Variants in TFDP2 observed in about 807,000 individuals in gnomAD.
TFDP2 encodes the protein transcription factor Dp-2, also known as transcription factor Dp-2 (E2F dimerization partner 2).
Under a neutral mutation model 59.3 loss-of-function variants are expected in TFDP2, and 17 were observed. The ratio of observed to expected loss-of-function variants is 0.29; its 90% CI spans 0.20 to 0.43. The LOEUF (loss-of-function observed/expected upper bound fraction) is 0.43, where lower values mean the gene tolerates loss of function less well. Among genes scored for constraint, TFDP2 ranks in the 20% least tolerant of loss-of-function variants. The pLI is 1.00. For missense variants in TFDP2, 391 were observed against 528.8 expected (o/e 0.74, Z 2.56); for synonymous variants, 180 against 194.7 (o/e 0.92, Z 0.63).
At chr3:142,011,398 C>T (rs1944668360) in intron 3 of TFDP2, among the ~76,000 whole-genome samples, 1 of 138,654 alleles carries the variant, frequency 7.2e-6, no homozygotes, top group Non-Finnish European at 1.5e-5. Context: ...ATTGAGATCA[C>T]ATGGACACAG....
At chr3:141,956,601 T>C (rs547127477) in intron 11 of TFDP2, among the ~76,000 whole-genome samples, 1 of 151,834 alleles carries the variant, frequency 6.6e-6, no homozygotes, top group Admixed American at 6.6e-5. Flanking sequence ...GACATACAAA[T>C]AGTCAATAAA....
chr3:142,012,868 G>A (rs11569181), intron 3 of TFDP2, among the ~76,000 whole-genome samples: 5,888 of 152,278 alleles, frequency 0.039, 383 homozygotes, highest in African/African-American at 0.13. Context: ...GCCAGGCGCG[G>A]TGGCTCACGC....
At chr3:141,984,156 C>CTACAT (rs1327159025) in intron 6 of TFDP2, among the ~76,000 whole-genome samples, 1 of 152,138 alleles carries the variant, frequency 6.6e-6, no homozygotes, top group Non-Finnish European at 1.5e-5. Flanking sequence ...CTGATACATA[C>CTACAT]TACACTACAG....
chr3:142,119,828 A>G (rs370038544), intron 1 of TFDP2, among the ~76,000 whole-genome samples: 4 of 152,308 alleles, frequency 2.6e-5, no homozygotes, highest in East Asian at 3.9e-4. Context: ...AGGCAGGCGG[A>G]TCACGAGGTC....
chr3:142,034,538 A>G (rs1946593137), intron 3 of TFDP2, among the ~76,000 whole-genome samples: 1 of 152,208 alleles, frequency 6.6e-6, no homozygotes, highest in Non-Finnish European at 1.5e-5. Flanking sequence ...CAAAAAAACA[A>G]AAACCCAATT....
intron 3 of TFDP2, among the ~76,000 whole-genome samples, chr3:142,054,649 A>T (rs1383509822): frequency 1.7e-4 from 26 of 152,222 alleles, no homozygotes; most frequent in Admixed American, 1.7e-3. Context: ...TGTAGTATGC[A>T]TATTGCAATG....
intron 11 of TFDP2, among the ~76,000 whole-genome samples, chr3:141,954,058 G>T (rs1270990037): frequency 1.3e-5 from 2 of 151,994 alleles, no homozygotes; most frequent in East Asian, 3.9e-4. Flanking sequence ...TACTCGGGAG[G>T]CTGAGGCAGG....
At chr3:142,002,683 C>CT (rs1943894539) in intron 4 of TFDP2, among the ~76,000 whole-genome samples, 1 of 152,116 alleles carries the variant, frequency 6.6e-6, no homozygotes, top group Non-Finnish European at 1.5e-5. Flanking sequence ...TCTCAAGAGG[C>CT]TTTTTCCAGC....
chr3:142,044,193 A>G, intron 3 of TFDP2: 1 of 390,818 alleles, frequency 2.6e-6, no homozygotes, highest in South Asian at 3.4e-5. Flanking sequence ...GCCTGAGCAT[A>G]CTCATGGCTG....
At chr3:141,991,486 T>C (rs538860471) in intron 6 of TFDP2, among the ~76,000 whole-genome samples, 26 of 152,258 alleles carry the variant, frequency 1.7e-4, no homozygotes, top group Non-Finnish European at 3.1e-4. Flanking sequence ...AGGCCAGGTG[T>C]GGTGGCTCAT....
chr3:141,953,058 T>G, intron 11 of TFDP2, 42 bp from the exon 12 acceptor site: 1 of 1,412,704 alleles, frequency 7.1e-7, no homozygotes, highest in Non-Finnish European at 1.0e-6. Flanking sequence ...GTCCTGCAAG[T>G]TCTGTGGCTG....
chr3:141,993,626 AAATAC>A (rs1262499292), intron 5 of TFDP2, 41 bp from the exon 6 acceptor site: 2 of 1,198,722 alleles, frequency 1.7e-6, no homozygotes, highest in African/African-American at 3.1e-5. Context: ...ATACATACTT[AAATAC>A]AATTTAATTT....
chr3:142,047,824 C>T (rs927843084), intron 3 of TFDP2, among the ~76,000 whole-genome samples: 3 of 150,530 alleles, frequency 2.0e-5, no homozygotes, highest in Admixed American at 6.7e-5. Context: ...TCACTGCAAC[C>T]TCCGCCTCCC....
chr3:142,106,174 A>C (rs948394651), intron 1 of TFDP2, among the ~76,000 whole-genome samples: 2 of 152,200 alleles, frequency 1.3e-5, no homozygotes, highest in African/African-American at 2.4e-5. Context: ...TTCATTCATT[A>C]CTCATCCAGC....
At chr3:142,080,150 G>A (rs541410776) in intron 3 of TFDP2, among the ~76,000 whole-genome samples, 1 of 152,162 alleles carries the variant, frequency 6.6e-6, no homozygotes, top group East Asian at 1.9e-4. Context: ...TTTTAGTAGA[G>A]ATGGGGTTTT....
At chr3:142,057,063 A>G (rs1378277696) in intron 3 of TFDP2, among the ~76,000 whole-genome samples, 1 of 152,208 alleles carries the variant, frequency 6.6e-6, no homozygotes, top group Non-Finnish European at 1.5e-5. Flanking sequence ...ACAGGCCTAC[A>G]CTCATTCATT....
At chr3:141,973,389 A>AT (rs1940142363) in intron 8 of TFDP2, among the ~76,000 whole-genome samples, 1 of 152,052 alleles carries the variant, frequency 6.6e-6, no homozygotes, top group Non-Finnish European at 1.5e-5. Flanking sequence ...CAGAAGCCAT[A>AT]TTTAACCTCA....
intron 3 of TFDP2, among the ~76,000 whole-genome samples, chr3:142,050,757 AGAACT>A (rs1947586409): frequency 6.6e-6 from 1 of 151,848 alleles, no homozygotes; most frequent in Admixed American, 6.6e-5. Context: ...TTGAGGCAGG[AGAACT>A]GCTTGAATCT....
At chr3:141,973,124 T>TATATATATATA (rs1553761667) in intron 8 of TFDP2, among the ~76,000 whole-genome samples, 48 of 55,348 alleles carry the variant, frequency 8.7e-4, no homozygotes, top group African/African-American at 2.8e-3. Flanking sequence ...TATATATATA[T>TATATATATATA]TTTTTTTTTT....
Sources: allele counts gnomAD v4.1 joint callset (sites outside exome capture counted in the v4.1 genomes callset), GRCh38; gene constraint gnomAD v4.1.1; transcripts MANE v1.5; gene names NCBI Gene and HGNC (gene_info 2026-07-23, HGNC 2026-07-21).